The following RIPK2 variants were observed in gnomAD, a reference collection of about 807,000 sequenced individuals.
The protein encoded by RIPK2 is receptor interacting serine/threonine kinase 2.
In RIPK2, 38 loss-of-function variants were observed where a neutral mutation model predicts 60.9. The observed-to-expected ratio is 0.62, with a 90% CI of 0.48 to 0.82. The LOEUF (loss-of-function observed/expected upper bound fraction) is 0.82, where lower values mean the gene tolerates loss of function less well. Among genes scored for constraint, RIPK2 ranks in the 40% least tolerant of loss-of-function variants. The probability of loss-of-function intolerance (pLI) is 0.00; values close to 1 mark genes in which losing one functional copy is unlikely to be tolerated. For missense variants in RIPK2, 518 were observed against 647.0 expected (o/e 0.80, Z 2.16); for synonymous variants, 225 against 223.4 (o/e 1.01, Z -0.06).
At chr8:89,775,198 G>A (rs1168355793) in intron 6 of RIPK2, among the ~76,000 whole-genome samples, 2 of 152,156 alleles carry the variant, frequency 1.3e-5, no homozygotes, top group Non-Finnish European at 2.9e-5. Flanking sequence ...AGCACTTTGG[G>A]AGACCAAGGC....
At chr8:89,775,315 T>C (rs1371136940) in intron 6 of RIPK2, among the ~76,000 whole-genome samples, 1 of 151,902 alleles carries the variant, frequency 6.6e-6, no homozygotes, top group African/African-American at 2.4e-5. Flanking sequence ...TAGCCAGACA[T>C]GGTTCGTTGC....
chr8:89,762,979 T>G lies in RIPK2; in HGVS notation c.324T>G (p.His108Gln). The G allele has an allele frequency of 6.8e-7, 1 of 1,471,104 alleles. No individual in the cohort carries two copies. 91.1% of individuals were successfully genotyped at this position (1,471,104 alleles called of 1,614,324 possible). A position where few individuals can be genotyped will look rare whatever the true frequency, so the allele number is the denominator to read the frequency against. Residue 108 changes from histidine to glutamine, a missense_variant, in exon 2 of 11, where the codon CAT (histidine) becomes CAG (glutamine). His to Gln is a conservative substitution (Grantham distance 24). This residue lies in a region of RIPK2 where 448 missense variants were observed against 534.7 expected (regional missense o/e 0.84). Coordinates refer to ENST00000220751, the MANE Select transcript of RIPK2 (RefSeq NM_003821.6). ...ATGGATCATTAAATGAACTCCTACA[T>G]AGGGTAAGTATTACACAGTTTTAGT... is the stretch of plus-strand genomic sequence containing the variant. ...MPNGSLNELLHRKTEYPDVAW... is the reference protein window; with the variant it reads ...MPNGSLNELLQRKTEYPDVAW...
At chr8:89,765,751 T>C (rs945145937) in intron 3 of RIPK2, among the ~76,000 whole-genome samples, 2 of 151,656 alleles carry the variant, frequency 1.3e-5, no homozygotes, top group Non-Finnish European at 3.0e-5. Context: ...ATTGTCAAGA[T>C]CACCTTTTTT....
chr8:89,760,099 A>G (rs958475044), intron 1 of RIPK2, among the ~76,000 whole-genome samples: 1 of 152,190 alleles, frequency 6.6e-6, no homozygotes, highest in Non-Finnish European at 1.5e-5. Context: ...ATGTAGTCTG[A>G]GCATTAGATG....
At chr8:89,766,738 C>T (rs1809236125) in intron 3 of RIPK2, among the ~76,000 whole-genome samples, 1 of 151,606 alleles carries the variant, frequency 6.6e-6, no homozygotes, top group African/African-American at 2.4e-5. Context: ...TATTAATTTG[C>T]ATTTTCCTAA....
In RIPK2 at chr8:89,761,712, TA is replaced by T. The variant is rs56259992; in HGVS notation, c.174-1104del. Among the ~76,000 whole-genome samples, 408 of 146,622 alleles carry T rather than the reference TA, an allele frequency of 2.8e-3. 2 individuals are homozygous for T. The highest frequency in any genetic ancestry group is 3.9e-3 in the Non-Finnish European group (261 of 66,558). Reference sequence around the variant, plus strand: ...GGCGACATAGCAAGATCTGGTCTGTTAAAAAAAAAAAAAGTTTCCAGTGTGT... The same window carrying T: ...GGCGACATAGCAAGATCTGGTCTGTTAAAAAAAAAAAAGTTTCCAGTGTGT... On this transcript the variant is annotated intron_variant, in intron 1 of 10. Coordinates refer to ENST00000220751, the MANE Select transcript of RIPK2 (RefSeq NM_003821.6).
intron 1 of RIPK2, chr8:89,759,467 A>C (rs1470807503): frequency 1.8e-5 from 8 of 448,818 alleles, no homozygotes; most frequent in Non-Finnish European, 3.6e-5. Flanking sequence ...AGCATCAGAT[A>C]AATTCCTCAG....
chr8:89,762,181 G>GA (rs1336531786), intron 1 of RIPK2, among the ~76,000 whole-genome samples: 13 of 149,934 alleles, frequency 8.7e-5, no homozygotes, highest in African/African-American at 2.2e-4. Context: ...AAGAAAAATA[G>GA]AAAAAAAAAT....
Position 89,757,969 on chromosome 8 carries a change from G to A in RIPK2, c.-92G>A, listed in dbSNP as rs1026208481. 4 of 1,441,148 alleles carry A rather than the reference G, an allele frequency of 2.8e-6. No homozygotes were observed. The Admixed American group carries it at 1.1e-4, about 39-fold the overall frequency. 89.3% of individuals were successfully genotyped at this position (1,441,148 alleles called of 1,614,324 possible). ...GGGTCTTGCCGGCCTCGCTCGTGCA[G>A]GGGCGTATCTGGGCGCCTGAGCGCG... On this transcript the variant is annotated 5_prime_UTR_variant, in exon 1 of 11. Transcript: ENST00000220751.
At position 89,772,770 on chromosome 8, in the gene RIPK2, G is replaced by A. The variant is rs1313416796; in HGVS notation, c.795G>A (p.Met265Ile). Residue 265 changes from methionine to isoleucine, a missense_variant, in exon 6 of 11, where the codon ATG becomes ATA. Met to Ile is a conservative substitution (Grantham distance 10). This residue lies in a region of RIPK2 where 448 missense variants were observed against 534.7 expected (regional missense o/e 0.84). Coordinates refer to ENST00000220751, the MANE Select transcript of RIPK2 (RefSeq NM_003821.6). ...ATGATATACCTCACCGAGCACGTATGATCTCTCTAATAGAAAGTGGATGGG... is the reference window on the plus strand; with the variant it reads ...ATGATATACCTCACCGAGCACGTATAATCTCTCTAATAGAAAGTGGATGGG... ...LPYDIPHRAR[M>I]ISLIESGWAQ... 3 of 1,612,060 alleles carry A rather than the reference G, an allele frequency of 1.9e-6. No homozygotes were observed. The highest frequency in any genetic ancestry group is 4.5e-5 in the East Asian group (2 of 44,782).
intron 9 of RIPK2, among the ~76,000 whole-genome samples, chr8:89,787,101 T>C (rs1586135340): frequency 6.6e-6 from 1 of 151,652 alleles, no homozygotes; most frequent in South Asian, 2.1e-4. Context: ...GGGAGGGAGG[T>C]TGCAGTGAGC....
intron 3 of RIPK2, among the ~76,000 whole-genome samples, chr8:89,766,176 AGTT>A (rs1174224520): frequency 6.6e-6 from 1 of 151,888 alleles, no homozygotes; most frequent in African/African-American, 2.4e-5. Flanking sequence ...TTGTAACAAT[AGTT>A]GTTTTTTATT....
At chr8:89,765,926 T>G (rs1809220704) in intron 3 of RIPK2, among the ~76,000 whole-genome samples, 1 of 151,772 alleles carries the variant, frequency 6.6e-6, no homozygotes, top group Admixed American at 6.6e-5. Context: ...GTGTTCATAG[T>G]AACCGCAACA....
chr8:89,781,132 C>T (rs983521571), intron 7 of RIPK2, among the ~76,000 whole-genome samples: 3 of 151,818 alleles, frequency 2.0e-5, no homozygotes, highest in African/African-American at 4.8e-5. Flanking sequence ...TGTGAACAAG[C>T]AACATCTACA....
intron 3 of RIPK2, among the ~76,000 whole-genome samples, chr8:89,768,561 G>A (rs966623206): frequency 1.5e-4 from 22 of 151,608 alleles, no homozygotes; most frequent in African/African-American, 5.3e-4. Context: ...CTATTATACA[G>A]CCCATATTTC....
intron 4 of RIPK2, 34 bp downstream of exon 4, chr8:89,769,963 T>C: frequency 6.7e-7 from 1 of 1,490,814 alleles, no homozygotes; most frequent in Non-Finnish European, 8.9e-7. Context: ...AGATTTAACC[T>C]TGTCTCAGAC....
At chr8:89,783,961 CAT>C in intron 7 of RIPK2, 87 bp from the exon 8 acceptor site, 6 of 657,188 alleles carry the variant, frequency 9.1e-6, no homozygotes, top group Non-Finnish European at 1.5e-5. Context: ...TTTGTACAAA[CAT>C]ATAAAATGTG....
intron 2 of RIPK2, 59 bp downstream of exon 2, chr8:89,763,041 T>A (rs895149098): frequency 7.3e-6 from 8 of 1,099,938 alleles, no homozygotes; most frequent in Non-Finnish European, 9.8e-6. Context: ...AAACTATATT[T>A]TACTTTGATT....
At chr8:89,771,704 TTAAAATA>T in intron 4 of RIPK2, 30 bp from the exon 5 acceptor site, 1 of 1,450,716 alleles carries the variant, frequency 6.9e-7, no homozygotes, top group Non-Finnish European at 9.5e-7. Flanking sequence ...CAGAGTTCAT[TTAAAATA>T]TGTAACATGT....
Sources: allele counts gnomAD v4.1 joint callset (sites outside exome capture counted in the v4.1 genomes callset), GRCh38; gene constraint gnomAD v4.1.1; regional missense constraint gnomAD v4.1.1; transcripts MANE v1.5; gene names NCBI Gene and HGNC (gene_info 2026-07-23, HGNC 2026-07-21).